RASGEF1C: variants seen among roughly 807,000 people sequenced by gnomAD.
The protein encoded by RASGEF1C is ras-GEF domain-containing family member 1C.
In RASGEF1C, 27 loss-of-function variants were observed where a neutral mutation model predicts 58.1. That is an observed-to-expected ratio of 0.46 (90% CI 0.34 to 0.64). RASGEF1C has a LOEUF of 0.64. Ranked by LOEUF, RASGEF1C falls within the 30% of genes least tolerant of loss-of-function variation. The probability of loss-of-function intolerance (pLI) is 0.01; values close to 1 mark genes in which losing one functional copy is unlikely to be tolerated. For missense variants in RASGEF1C, 502 were observed against 605.1 expected (o/e 0.83, Z 1.79); for synonymous variants, 243 against 246.3 (o/e 0.99, Z 0.13).
At chr5:180,199,390 A>ATTT (rs1756339717) in intron 1 of RASGEF1C, among the ~76,000 whole-genome samples, 1 of 152,220 alleles carries the variant, frequency 6.6e-6, no homozygotes, top group African/African-American at 2.4e-5. Context: ...GGATATTAAA[A>ATTT]TAAGGCCAGA....
At chr5:180,152,871 A>G (rs1311348058) in intron 1 of RASGEF1C, among the ~76,000 whole-genome samples, 2 of 147,412 alleles carry the variant, frequency 1.4e-5, no homozygotes, top group African/African-American at 2.6e-5. Context: ...AGATTGCGCC[A>G]CTGCACTCCA....
Position 180,130,549 on chromosome 5 carries a change from A to G in RASGEF1C, c.439-1939T>C, listed in dbSNP as rs574928005. Reference sequence around the variant, plus strand: ...GTCTCCTCACCCCCACTCACTCCTGAATCACTTCACCTGGCTGCCACTCCC... The same window carrying G: ...GTCTCCTCACCCCCACTCACTCCTGGATCACTTCACCTGGCTGCCACTCCC... On this transcript the variant is annotated intron_variant, in intron 4 of 13. Coordinates refer to ENST00000361132, the MANE Select transcript of RASGEF1C (RefSeq NM_175062.4). Among the ~76,000 whole-genome samples, 348 of 152,258 alleles carry G rather than the reference A, an allele frequency of 2.3e-3. 2 individuals carry two copies. The highest frequency in any genetic ancestry group is 6.8e-3 in the Middle Eastern group (2 of 294).
At chr5:180,163,534 C>A (rs1283284555) in intron 1 of RASGEF1C, among the ~76,000 whole-genome samples, 2 of 151,890 alleles carry the variant, frequency 1.3e-5, no homozygotes, top group Admixed American at 6.6e-5. Context: ...TGCTGTGATG[C>A]TTTTCTTCTT....
intron 1 of RASGEF1C, chr5:180,138,453 A>AG (rs754441061): frequency 1.5e-3 from 252 of 163,192 alleles, no homozygotes; most frequent in Non-Finnish European, 2.0e-3. Flanking sequence ...CATCCAAATT[A>AG]GGGGGGCTCA....
At chr5:180,117,477 TC>T (rs1766088096) in intron 10 of RASGEF1C, among the ~76,000 whole-genome samples, 1 of 152,182 alleles carries the variant, frequency 6.6e-6, no homozygotes, top group South Asian at 2.1e-4. Flanking sequence ...CCACCAATGT[TC>T]CCGCATGGCA....
chr5:180,115,290 TAAAA>T, intron 10 of RASGEF1C: 2 of 397,550 alleles, frequency 5.0e-6, no homozygotes, highest in Admixed American at 3.0e-5. Flanking sequence ...GCCTCCTTTT[TAAAA>T]AAAAAAAAAA....
chr5:180,135,621 G>A (rs576337252), intron 4 of RASGEF1C, among the ~76,000 whole-genome samples: 19 of 152,276 alleles, frequency 1.2e-4, no homozygotes, highest in African/African-American at 4.1e-4. Flanking sequence ...TCCTCCTTTC[G>A]CCCATAAGGG....
chr5:180,114,156 G>A (rs949287598), intron 11 of RASGEF1C, among the ~76,000 whole-genome samples: 3 of 152,196 alleles, frequency 2.0e-5, no homozygotes, highest in African/African-American at 7.2e-5. Flanking sequence ...GTGGGCCCAC[G>A]GAGCTGCCTT....
intron 6 of RASGEF1C, among the ~76,000 whole-genome samples, chr5:180,125,588 G>C (rs1478179161): frequency 6.6e-6 from 1 of 152,048 alleles, no homozygotes; most frequent in East Asian, 1.9e-4. Context: ...TTCGAGACCA[G>C]CCTGACCAAC....
rs573740895 is a variant in RASGEF1C, at chr5:180,185,823, C to T, written c.-7+23205G>A. Among the ~76,000 whole-genome samples, 13 of 151,906 alleles carry T rather than the reference C, an allele frequency of 8.6e-5. No homozygotes were observed. In the East Asian group the frequency reaches 9.7e-4, roughly 11 times the overall value. ...TCATAAGGAACAAGACAAAGCCAAGCGTGGTGGTTCATACCTGTAAACACA... is the reference window on the plus strand; with the variant it reads ...TCATAAGGAACAAGACAAAGCCAAGTGTGGTGGTTCATACCTGTAAACACA... On this transcript the variant is annotated intron_variant, in intron 1 of 13. Coordinates refer to ENST00000361132, the MANE Select transcript of RASGEF1C (RefSeq NM_175062.4).
chr5:180,124,702 T>C (rs1766227117), intron 6 of RASGEF1C, among the ~76,000 whole-genome samples: 1 of 152,124 alleles, frequency 6.6e-6, no homozygotes, highest in Admixed American at 6.5e-5. Flanking sequence ...TGGGCACCTG[T>C]AATCCTAGCT....
In RASGEF1C at chr5:180,183,902, T is replaced by A. The variant is rs1351340380; in HGVS notation, c.-7+25126A>T. ...TAAATAAACAGCCGGCCGGGTGTGA[T>A]GGCTCATGCCTATAATCCCAGCACT... On this transcript the variant is annotated intron_variant, in intron 1 of 13. Coordinates refer to ENST00000361132, the MANE Select transcript of RASGEF1C (RefSeq NM_175062.4). 6.6e-5 allele frequency among the ~76,000 whole-genome samples: 10 copies of A among 152,300 alleles called. No homozygotes were observed. In the East Asian group the frequency reaches 1.7e-3, roughly 26 times the overall value.
At chr5:180,152,817 A>C (rs1766784815) in intron 1 of RASGEF1C, among the ~76,000 whole-genome samples, 1 of 151,134 alleles carries the variant, frequency 6.6e-6, no homozygotes, top group African/African-American at 2.4e-5. Context: ...AGGCCGAGGC[A>C]GGAGAACTGC....
At chr5:180,149,249 A>G (rs1292877941) in intron 1 of RASGEF1C, among the ~76,000 whole-genome samples, 1 of 151,406 alleles carries the variant, frequency 6.6e-6, no homozygotes, top group Non-Finnish European at 1.5e-5. Context: ...TACCACGCCC[A>G]GCTAATTTTT....
Position 180,120,596 on chromosome 5 carries a change from C to T in RASGEF1C, c.804+464G>A, listed in dbSNP as rs551389327. On this transcript the variant is annotated intron_variant, in intron 7 of 13. Transcript: ENST00000361132. ...CGGGACCGCGACTCAGGGACAAGCA[C>T]GTCTGGCTCCAGGCTGCTGAGTGTT... 5.3e-5 allele frequency among the ~76,000 whole-genome samples: 8 copies of T among 152,330 alleles called. 1 individual carries two copies. In the South Asian group the frequency reaches 6.2e-4, roughly 12 times the overall value.
At chr5:180,171,244 A>T (rs1767102291) in intron 1 of RASGEF1C, among the ~76,000 whole-genome samples, 1 of 151,924 alleles carries the variant, frequency 6.6e-6, no homozygotes, top group Non-Finnish European at 1.5e-5. Context: ...GGAGCCCGGG[A>T]CTTTCTGCTT....
At chr5:180,186,873 G>A (rs1011687350) in intron 1 of RASGEF1C, among the ~76,000 whole-genome samples, 4 of 152,226 alleles carry the variant, frequency 2.6e-5, no homozygotes, top group East Asian at 1.9e-4. Context: ...GGCTGAGGCA[G>A]AAGGTGGAGG....
In RASGEF1C at chr5:180,198,041, T is replaced by C. The variant is rs1243499175; in HGVS notation, c.-7+10987A>G. Reference sequence around the variant, plus strand: ...CGTATTCCAAATTCATAAACCAAGGTGACCCCTCACATTCATGAGCCTTTC... The same window carrying C: ...CGTATTCCAAATTCATAAACCAAGGCGACCCCTCACATTCATGAGCCTTTC... On this transcript the variant is annotated intron_variant, in intron 1 of 13. Transcript: ENST00000361132. This position sits in a 1 kb window ranked among gnomAD's most constrained non-coding sequence, Gnocchi z 4.5. Among the ~76,000 whole-genome samples, 1 of 152,190 alleles carries C rather than the reference T, an allele frequency of 6.6e-6. No individual in the cohort carries two copies. The highest frequency in any genetic ancestry group is 2.4e-5 in the African/African-American group (1 of 41,440).
rs1766614051 is a variant in RASGEF1C, at chr5:180,143,401, C to T, written c.-6-5343G>A. On this transcript the variant is annotated intron_variant, in intron 1 of 13. Coordinates refer to ENST00000361132, the MANE Select transcript of RASGEF1C (RefSeq NM_175062.4). The surrounding 1 kb of genome is among the most constrained non-coding windows in gnomAD (Gnocchi z 4.3). ...TGGTGCGTTTATAAGGAAGGCCAGC[C>T]CTGAAGATGGATGTGCATTCTCCTG... Among the ~76,000 whole-genome samples the T allele has an allele frequency of 2.0e-5, 3 of 152,172 alleles. No individual in the cohort carries two copies. The highest frequency in any genetic ancestry group is 1.3e-4 in the Admixed American group (2 of 15,284).
Sources: allele counts gnomAD v4.1 joint callset (sites outside exome capture counted in the v4.1 genomes callset), GRCh38; gene constraint gnomAD v4.1.1; non-coding constraint Gnocchi (gnomAD v3.1); transcripts MANE v1.5; gene names NCBI Gene and HGNC (gene_info 2026-07-23, HGNC 2026-07-21).